SHISA6: variants seen among roughly 807,000 people sequenced by gnomAD.
The protein encoded by SHISA6 is shisa family member 6.
Under a neutral mutation model 47.9 loss-of-function variants are expected in SHISA6, and 22 were observed. That is an observed-to-expected ratio of 0.46 (90% CI 0.33 to 0.66). SHISA6 has a LOEUF of 0.66. SHISA6 is among the 30% of genes least tolerant of loss of function. The probability of loss-of-function intolerance (pLI) is 0.02; values close to 1 mark genes in which losing one functional copy is unlikely to be tolerated. For missense variants in SHISA6, 680 were observed against 764.6 expected (o/e 0.89, Z 1.30); for synonymous variants, 388 against 337.8 (o/e 1.15, Z -1.63).
intron 2 of SHISA6, among the ~76,000 whole-genome samples, chr17:11,274,687 GA>G (rs1234567498): frequency 1.3e-5 from 2 of 152,194 alleles, no homozygotes; most frequent in Admixed American, 6.5e-5. Flanking sequence ...ACTGTGTACT[GA>G]ACACTTCGTT....
intron 3 of SHISA6, among the ~76,000 whole-genome samples, chr17:11,479,124 C>T (rs1916148863): frequency 6.6e-6 from 1 of 151,884 alleles, no homozygotes; most frequent in Admixed American, 6.6e-5. Flanking sequence ...ACACCTACAG[C>T]CAATCCAGGT....
At chr17:11,260,753 C>T (rs1908204422) in intron 1 of SHISA6, among the ~76,000 whole-genome samples, 1 of 151,930 alleles carries the variant, frequency 6.6e-6, no homozygotes, top group South Asian at 2.1e-4. Context: ...CCTTCTGTCT[C>T]CTTGGCTCCA....
At chr17:11,531,223 G>C (rs1346100830) in intron 3 of SHISA6, among the ~76,000 whole-genome samples, 1 of 17,466 alleles carries the variant, frequency 5.7e-5, no homozygotes, top group Non-Finnish European at 8.9e-5. Flanking sequence ...GTGTGTGTGT[G>C]TGTGTGTGTG....
intron 3 of SHISA6, among the ~76,000 whole-genome samples, chr17:11,413,342 TGTTCACCC>T (rs1347636791): frequency 6.6e-6 from 1 of 152,218 alleles, no homozygotes; most frequent in Non-Finnish European, 1.5e-5. Context: ...AAGATGTCTG[TGTTCACCC>T]TCATAGTTGC....
intron 2 of SHISA6, among the ~76,000 whole-genome samples, chr17:11,341,239 G>A (rs1346929940): frequency 6.6e-6 from 1 of 151,644 alleles, no homozygotes; most frequent in African/African-American, 2.4e-5. Context: ...AAAATGACAA[G>A]GATCATGGCA....
intron 3 of SHISA6, among the ~76,000 whole-genome samples, chr17:11,461,068 T>C (rs542138159): frequency 6.6e-6 from 1 of 152,230 alleles, no homozygotes; most frequent in South Asian, 2.1e-4. Flanking sequence ...TTGAATCTGT[T>C]AAAAATAAAA....
chr17:11,257,110 G>A (rs1908040341), intron 1 of SHISA6, among the ~76,000 whole-genome samples: 1 of 152,214 alleles, frequency 6.6e-6, no homozygotes, highest in Non-Finnish European at 1.5e-5. Context: ...CAGCCGTTCT[G>A]AGCCTCTCTG....
At chr17:11,423,180 C>A (rs1914496302) in intron 3 of SHISA6, among the ~76,000 whole-genome samples, 1 of 148,628 alleles carries the variant, frequency 6.7e-6, no homozygotes, top group Non-Finnish European at 1.5e-5. Flanking sequence ...AAACAAGAAC[C>A]CTAAAAGGAT....
At chr17:11,335,016 A>G (rs1371570964) in intron 2 of SHISA6, among the ~76,000 whole-genome samples, 2 of 152,212 alleles carry the variant, frequency 1.3e-5, no homozygotes, top group African/African-American at 4.8e-5. Flanking sequence ...GAGGCTGGCA[A>G]CTTATTCAGT....
chr17:11,401,184 G>A (rs988461610), intron 3 of SHISA6, among the ~76,000 whole-genome samples: 2 of 152,102 alleles, frequency 1.3e-5, no homozygotes, highest in Admixed American at 1.3e-4. Flanking sequence ...TTCCAGATAT[G>A]TAAGTTTTGT....
intron 2 of SHISA6, among the ~76,000 whole-genome samples, chr17:11,360,640 G>A (rs1457538315): frequency 2.0e-5 from 3 of 151,904 alleles, no homozygotes; most frequent in Admixed American, 2.0e-4. Flanking sequence ...GGGGGTAGGG[G>A]GCAAGGGAAG....
intron 1 of SHISA6, among the ~76,000 whole-genome samples, chr17:11,250,321 G>A (rs914074304): frequency 2.6e-5 from 4 of 152,152 alleles, no homozygotes; most frequent in African/African-American, 7.2e-5. Flanking sequence ...TTCAGACGGG[G>A]TCACCAGCTG....
Position 11,451,178 on chromosome 17 carries a change from G to A in SHISA6, c.895+71669G>A, listed in dbSNP as rs75387061. On this transcript the variant is annotated intron_variant, in intron 3 of 5. Coordinates refer to ENST00000441885, the MANE Select transcript of SHISA6 (RefSeq NM_207386.4). ...CTCTTCCAGGCATCTCAAATGCGTGGTTTTACCCACAGCCCCTGCTCCCAT... is the reference window on the plus strand; with the variant it reads ...CTCTTCCAGGCATCTCAAATGCGTGATTTTACCCACAGCCCCTGCTCCCAT... 4.5e-3 allele frequency among the ~76,000 whole-genome samples: 691 copies of A among 152,090 alleles called. 7 individuals are homozygous for A. Among genetic ancestry groups the A allele is most frequent in the African/African-American group, 0.016 (658 of 41,518 alleles).
intron 3 of SHISA6, among the ~76,000 whole-genome samples, chr17:11,417,495 C>G (rs892238976): frequency 1.3e-5 from 2 of 152,214 alleles, no homozygotes; most frequent in African/African-American, 4.8e-5. Context: ...GGGGTTCTGA[C>G]AATCACAGTG....
intron 3 of SHISA6, among the ~76,000 whole-genome samples, chr17:11,434,983 C>T (rs1489351013): frequency 6.6e-6 from 1 of 152,002 alleles, no homozygotes; most frequent in Non-Finnish European, 1.5e-5. Flanking sequence ...GTCCTAACCC[C>T]AAAAGTGATA....
At chr17:11,524,704 G>A (rs556342075) in intron 3 of SHISA6, among the ~76,000 whole-genome samples, 9 of 152,072 alleles carry the variant, frequency 5.9e-5, no homozygotes, top group African/African-American at 1.2e-4. Flanking sequence ...TCGCCATGTT[G>A]GCCAGGCTGG....
At position 11,526,654 on chromosome 17, in the gene SHISA6, T is replaced by C. The variant is rs559854989; in HGVS notation, c.896-25242T>C. On this transcript the variant is annotated intron_variant, in intron 3 of 5. Coordinates refer to ENST00000441885, the MANE Select transcript of SHISA6 (RefSeq NM_207386.4). ...GTCTTTTCTACTTAGAACCCAATGATAGTTCCACGTTATACAGCTGAGTTT... is the reference window on the plus strand; with the variant it reads ...GTCTTTTCTACTTAGAACCCAATGACAGTTCCACGTTATACAGCTGAGTTT... Among the ~76,000 whole-genome samples the C allele has an allele frequency of 2.6e-5, 4 of 152,238 alleles. No homozygotes were observed. In the South Asian group the frequency reaches 8.3e-4, roughly 32 times the overall value.
intron 3 of SHISA6, among the ~76,000 whole-genome samples, chr17:11,522,533 G>A (rs189112129): frequency 3.8e-4 from 58 of 152,300 alleles, no homozygotes; most frequent in African/African-American, 1.3e-3. Context: ...TAGTCTAAGG[G>A]TGTGTGTTGG....
intron 2 of SHISA6, among the ~76,000 whole-genome samples, chr17:11,276,463 A>G (rs1405054849): frequency 2.0e-5 from 3 of 152,210 alleles, no homozygotes; most frequent in Non-Finnish European, 2.9e-5. Context: ...ATTTCAAACC[A>G]ATGGAATATT....
Sources: allele counts gnomAD v4.1 joint callset (sites outside exome capture counted in the v4.1 genomes callset), GRCh38; gene constraint gnomAD v4.1.1; transcripts MANE v1.5; gene names NCBI Gene and HGNC (gene_info 2026-07-23, HGNC 2026-07-21).